ZFPM2: variants seen among roughly 807,000 people sequenced by gnomAD.
The protein encoded by ZFPM2 is zinc finger protein ZFPM2.
A neutral mutation model predicts 98.6 loss-of-function variants in ZFPM2; 20 were observed. The ratio of observed to expected loss-of-function variants is 0.20; its 90% CI spans 0.14 to 0.29. ZFPM2 has a LOEUF of 0.29. Among genes scored for constraint, ZFPM2 ranks in the 10% least tolerant of loss-of-function variants. ZFPM2 has a pLI of 1.00. For missense variants in ZFPM2, 1,310 were observed against 1,388.6 expected, an observed-to-expected ratio of 0.94 and a Z score of 0.90; for synonymous variants, 518 against 502.7, an observed-to-expected ratio of 1.03 and a Z score of -0.41.
intron 1 of ZFPM2, among the ~76,000 whole-genome samples, chr8:105,390,452 A>G (rs1292741344): frequency 6.6e-6 from 1 of 152,198 alleles, no homozygotes; most frequent in Non-Finnish European, 1.5e-5. Flanking sequence ...ACAAACTCGG[A>G]ATGCATCATT....
intron 3 of ZFPM2, among the ~76,000 whole-genome samples, chr8:105,487,928 A>G (rs1813264816): frequency 1.9e-5 from 2 of 106,006 alleles, no homozygotes; most frequent in Admixed American, 9.1e-5. Context: ...CTATCTATCT[A>G]TCTAGCTAGC....
chr8:105,475,392 G>A (rs1047646888), intron 3 of ZFPM2, among the ~76,000 whole-genome samples: 23 of 152,226 alleles, frequency 1.5e-4, no homozygotes, highest in African/African-American at 2.2e-4. Context: ...TTGGTACCCC[G>A]TGCACATAAA....
chr8:105,404,809 C>T (rs538017641), intron 1 of ZFPM2, among the ~76,000 whole-genome samples: 15 of 152,172 alleles, frequency 9.9e-5, no homozygotes, highest in African/African-American at 3.1e-4. Context: ...CTCATAAAAA[C>T]ATCAGATATA....
intron 4 of ZFPM2, among the ~76,000 whole-genome samples, chr8:105,578,698 T>C (rs1815521947): frequency 1.3e-5 from 2 of 152,132 alleles, no homozygotes; most frequent in Admixed American, 6.6e-5. Flanking sequence ...GTAAGAGCAG[T>C]GCTTTGATCA....
chr8:105,670,512 A>AAAT (rs1402902264), intron 5 of ZFPM2, among the ~76,000 whole-genome samples: 5 of 151,156 alleles, frequency 3.3e-5, no homozygotes, highest in African/African-American at 1.2e-4. Context: ...AAAAAAAAAA[A>AAAT]AAAAAAAGCT....
intron 5 of ZFPM2, among the ~76,000 whole-genome samples, chr8:105,717,651 C>T (rs1299141851): frequency 6.6e-6 from 1 of 151,688 alleles, no homozygotes; most frequent in Non-Finnish European, 1.5e-5. Flanking sequence ...AAATAGTAGA[C>T]CCTTGAGAGT....
chr8:105,438,992 G>C (rs1812180193), intron 2 of ZFPM2, among the ~76,000 whole-genome samples: 1 of 151,544 alleles, frequency 6.6e-6, no homozygotes, highest in African/African-American at 2.4e-5. Flanking sequence ...TCCCCAACTA[G>C]ATTATATGGT....
intron 4 of ZFPM2, among the ~76,000 whole-genome samples, chr8:105,604,345 C>T (rs1393298840): frequency 6.6e-6 from 1 of 151,950 alleles, no homozygotes; most frequent in East Asian, 1.9e-4. Context: ...CATCTCTTAC[C>T]AGGCCTCAGC....
At chr8:105,528,282 C>T (rs1220453257) in intron 3 of ZFPM2, among the ~76,000 whole-genome samples, 1 of 152,060 alleles carries the variant, frequency 6.6e-6, no homozygotes, top group African/African-American at 2.4e-5. Context: ...ATGAAGAAAA[C>T]TTACAGGATA....
chr8:105,718,811 C>CA (rs1811587548), intron 5 of ZFPM2, among the ~76,000 whole-genome samples: 1 of 151,924 alleles, frequency 6.6e-6, no homozygotes, highest in Non-Finnish European at 1.5e-5. Context: ...TTATTACATG[C>CA]AATCCCCGTG....
intron 5 of ZFPM2, among the ~76,000 whole-genome samples, chr8:105,744,777 G>T (rs2131040195): frequency 6.6e-6 from 1 of 152,214 alleles, no homozygotes; most frequent in East Asian, 1.9e-4. Context: ...GTAGTGCATG[G>T]CACATTTGAA....
intron 1 of ZFPM2, among the ~76,000 whole-genome samples, chr8:105,335,883 C>A (rs1563609480): frequency 6.6e-6 from 1 of 151,762 alleles, no homozygotes; most frequent in Non-Finnish European, 1.5e-5. Context: ...AATGGTGCTG[C>A]CCCTCCCTAA....
chr8:105,591,014 G>A (rs1439729037), intron 4 of ZFPM2, among the ~76,000 whole-genome samples: 1 of 152,188 alleles, frequency 6.6e-6, no homozygotes, highest in East Asian at 1.9e-4. Context: ...AGATAAGTTA[G>A]TGGGGTAACA....
chr8:105,495,966 C>A lies in ZFPM2; in HGVS notation c.301+51585C>A, dbSNP rs1397329772. On this transcript the variant is annotated intron_variant, in intron 3 of 7. Transcript: ENST00000407775. ...GAGAGTTCCCATACTTTATACCCAGCTTCTTCTAATGTTATGATTTTACGT... is the reference window on the plus strand; with the variant it reads ...GAGAGTTCCCATACTTTATACCCAGATTCTTCTAATGTTATGATTTTACGT... Among the ~76,000 whole-genome samples the A allele has an allele frequency of 2.6e-5, 4 of 152,218 alleles. No homozygotes were observed. The East Asian group carries it at 7.7e-4, about 29-fold the overall frequency.
Position 105,461,829 on chromosome 8 carries a change from T to C in ZFPM2, c.301+17448T>C, listed in dbSNP as rs72671700. 6.6e-3 allele frequency among the ~76,000 whole-genome samples: 1,004 copies of C among 152,264 alleles called. 3 individuals carry two copies. Among genetic ancestry groups the C allele is most frequent in the Non-Finnish European group, 0.011 (720 of 68,012 alleles). On this transcript the variant is annotated intron_variant, in intron 3 of 7. Coordinates refer to ENST00000407775, the MANE Select transcript of ZFPM2 (RefSeq NM_012082.4). ...CTTGACCAATCAGGAAACTGAGGTATAGGAATGTTAAGGAACTTGCCTAAA... is the reference window on the plus strand; with the variant it reads ...CTTGACCAATCAGGAAACTGAGGTACAGGAATGTTAAGGAACTTGCCTAAA...
intron 3 of ZFPM2, among the ~76,000 whole-genome samples, chr8:105,527,439 A>G (rs1379882201): frequency 6.6e-6 from 1 of 152,228 alleles, no homozygotes; most frequent in African/African-American, 2.4e-5. Context: ...ATATGGATTT[A>G]GAAACATGTC....
intron 3 of ZFPM2, among the ~76,000 whole-genome samples, chr8:105,553,094 A>G (rs1003950427): frequency 6.6e-6 from 1 of 152,086 alleles, no homozygotes; most frequent in African/African-American, 2.4e-5. Context: ...TACAGACGTG[A>G]ACCATTGTAC....
intron 5 of ZFPM2, among the ~76,000 whole-genome samples, chr8:105,764,519 TAGTC>T (rs1812815287): frequency 6.6e-6 from 1 of 151,790 alleles, no homozygotes; most frequent in Non-Finnish European, 1.5e-5. Context: ...TACTTTTATT[TAGTC>T]AGTGTTTTCT....
At chr8:105,458,485 A>G (rs1244769285) in intron 3 of ZFPM2, among the ~76,000 whole-genome samples, 3 of 152,164 alleles carry the variant, frequency 2.0e-5, no homozygotes, top group African/African-American at 7.2e-5. Context: ...AGATTGTTAC[A>G]TTTTTGAACA....
Sources: allele counts gnomAD v4.1 joint callset (sites outside exome capture counted in the v4.1 genomes callset), GRCh38; gene constraint gnomAD v4.1.1; transcripts MANE v1.5; gene names NCBI Gene and HGNC (gene_info 2026-07-23, HGNC 2026-07-21).